The following NKAIN2 variants were observed in gnomAD, a reference collection of about 807,000 sequenced individuals.
The protein encoded by NKAIN2 is sodium/potassium transporting ATPase interacting 2, also known as sodium/potassium-transporting ATPase subunit beta-1-interacting protein 2.
A neutral mutation model predicts 32.6 loss-of-function variants in NKAIN2; 14 were observed. That is an observed-to-expected ratio of 0.43 (90% CI 0.28 to 0.67). The LOEUF is 0.67. Among genes scored for constraint, NKAIN2 ranks in the 30% least tolerant of loss-of-function variants. NKAIN2 has a pLI of 0.17. For synonymous variants in NKAIN2, 80 were observed against 87.2 expected (o/e 0.92, Z 0.46); for missense variants, 198 against 258.3 (o/e 0.77, Z 1.60).
intron 4 of NKAIN2, among the ~76,000 whole-genome samples, chr6:124,694,277 C>CTAT (rs1341993182): frequency 6.6e-6 from 1 of 152,168 alleles, no homozygotes; most frequent in Non-Finnish European, 1.5e-5. Flanking sequence ...GTACTTGAGG[C>CTAT]TCACTCAAGC....
chr6:124,329,712 G>A (rs1797574505), intron 2 of NKAIN2, among the ~76,000 whole-genome samples: 1 of 152,144 alleles, frequency 6.6e-6, no homozygotes, highest in Admixed American at 6.5e-5. Context: ...CTCCAAGTTA[G>A]CACCTCATCT....
chr6:124,521,591 A>G (rs547508312), intron 3 of NKAIN2, among the ~76,000 whole-genome samples: 16 of 152,274 alleles, frequency 1.1e-4, no homozygotes, highest in Admixed American at 5.9e-4. Flanking sequence ...AGAATTTTCT[A>G]TGTTTTATGC....
intron 4 of NKAIN2, among the ~76,000 whole-genome samples, chr6:124,683,364 C>T (rs960998598): frequency 1.3e-5 from 2 of 152,094 alleles, no homozygotes; most frequent in African/African-American, 4.8e-5. Context: ...TGTCAAACGT[C>T]TACGTTTATC....
chr6:124,194,952 T>C (rs1191400640), intron 1 of NKAIN2, among the ~76,000 whole-genome samples: 1 of 151,540 alleles, frequency 6.6e-6, no homozygotes, highest in Non-Finnish European at 1.5e-5. Context: ...GTACCAGCTT[T>C]AAATGAAGAG....
At chr6:124,311,098 T>G (rs1192255604) in intron 2 of NKAIN2, among the ~76,000 whole-genome samples, 1 of 152,030 alleles carries the variant, frequency 6.6e-6, no homozygotes, top group Non-Finnish European at 1.5e-5. Flanking sequence ...TTTCATCAAC[T>G]TATTAGGAGA....
At chr6:123,810,069 GT>G (rs200339010) in intron 1 of NKAIN2, among the ~76,000 whole-genome samples, 57 of 151,364 alleles carry the variant, frequency 3.8e-4, no homozygotes, top group Middle Eastern at 6.9e-3. Flanking sequence ...GGCTAAATAT[GT>G]TTTTTTTTCC....
At chr6:124,148,761 A>G (rs974958401) in intron 1 of NKAIN2, among the ~76,000 whole-genome samples, 29 of 152,182 alleles carry the variant, frequency 1.9e-4, no homozygotes, top group African/African-American at 6.5e-4. Flanking sequence ...GGCCATCATG[A>G]ATAATTTTTC....
In NKAIN2 at chr6:124,333,691, A is replaced by G. The variant is rs541934773; in HGVS notation, c.193-21576A>G. Among the ~76,000 whole-genome samples the G allele has an allele frequency of 2.0e-5, 3 of 152,080 alleles. No individual in the cohort carries two copies. The South Asian group carries it at 6.2e-4, about 32-fold the overall frequency. On this transcript the variant is annotated intron_variant, in intron 2 of 6. Transcript: ENST00000368417. ...AATAAATAAATAAATAAATACATAA[A>G]TAAATAAAATAAACTTAAGAAAAAT...
At chr6:124,302,525 T>C (rs1796331327) in intron 2 of NKAIN2, among the ~76,000 whole-genome samples, 2 of 152,200 alleles carry the variant, frequency 1.3e-5, no homozygotes, top group African/African-American at 4.8e-5. Flanking sequence ...TTTTAAATTT[T>C]TTTATCTGGA....
At chr6:123,811,623 A>T (rs1481760313) in intron 1 of NKAIN2, among the ~76,000 whole-genome samples, 2 of 141,516 alleles carry the variant, frequency 1.4e-5, no homozygotes, top group Non-Finnish European at 3.0e-5. Flanking sequence ...ATAATTCCTG[A>T]CCTATTTACC....
chr6:124,462,420 A>G (rs1196139601), intron 3 of NKAIN2, among the ~76,000 whole-genome samples: 1 of 151,960 alleles, frequency 6.6e-6, no homozygotes, highest in Non-Finnish European at 1.5e-5. Flanking sequence ...CATATTTGAG[A>G]ATATAAACCT....
chr6:123,932,872 C>T (rs954868276), intron 1 of NKAIN2, among the ~76,000 whole-genome samples: 1 of 150,520 alleles, frequency 6.6e-6, no homozygotes, highest in African/African-American at 2.5e-5. Flanking sequence ...TTTCTCCTGT[C>T]TTCCCTTTGC....
At chr6:124,619,099 G>T (rs1377965088) in intron 3 of NKAIN2, among the ~76,000 whole-genome samples, 1 of 151,896 alleles carries the variant, frequency 6.6e-6, no homozygotes, top group East Asian at 1.9e-4. Flanking sequence ...CATATTTAAG[G>T]AAGAGAATTA....
At chr6:124,504,327 A>G (rs1351538669) in intron 3 of NKAIN2, among the ~76,000 whole-genome samples, 1 of 152,158 alleles carries the variant, frequency 6.6e-6, no homozygotes, top group Non-Finnish European at 1.5e-5. Flanking sequence ...AAACTTTAAC[A>G]ACATCTATAA....
intron 3 of NKAIN2, among the ~76,000 whole-genome samples, chr6:124,500,802 G>T (rs1358793256): frequency 6.6e-6 from 1 of 152,086 alleles, no homozygotes; most frequent in East Asian, 1.9e-4. Flanking sequence ...GTGAGACATG[G>T]AGAAAAGGGT....
intron 1 of NKAIN2, among the ~76,000 whole-genome samples, chr6:124,278,850 A>G (rs1795162704): frequency 6.6e-6 from 1 of 151,708 alleles, no homozygotes; most frequent in Admixed American, 6.6e-5. Context: ...AGAAGATTCT[A>G]TAATGCACTT....
At chr6:124,660,695 G>C (rs1784716241) in intron 4 of NKAIN2, among the ~76,000 whole-genome samples, 1 of 152,152 alleles carries the variant, frequency 6.6e-6, no homozygotes, top group Non-Finnish European at 1.5e-5. Flanking sequence ...CTTTTGCAAT[G>C]TTGACTGTGG....
Position 124,605,116 on chromosome 6 carries a change from T to A in NKAIN2, c.274-53070T>A, listed in dbSNP as rs938977505. ...TCTGTGTGGCTTTGTAACAATATTT[T>A]TAACAACTAAGTTCAATCTTTTGTC... On this transcript the variant is annotated intron_variant, in intron 3 of 6. Coordinates refer to ENST00000368417, the MANE Select transcript of NKAIN2 (RefSeq NM_001040214.3). Among the ~76,000 whole-genome samples the A allele has an allele frequency of 2.6e-5, 4 of 152,200 alleles. No individual in the cohort carries two copies. In the South Asian group the frequency reaches 6.2e-4, roughly 24 times the overall value.
At chr6:124,630,443 C>T (rs907141859) in intron 3 of NKAIN2, among the ~76,000 whole-genome samples, 1 of 152,104 alleles carries the variant, frequency 6.6e-6, no homozygotes, top group Non-Finnish European at 1.5e-5. Context: ...AAAGGATGGT[C>T]ATTAACTTCT....
Sources: allele counts gnomAD v4.1 joint callset (sites outside exome capture counted in the v4.1 genomes callset), GRCh38; gene constraint gnomAD v4.1.1; transcripts MANE v1.5; gene names NCBI Gene and HGNC (gene_info 2026-07-23, HGNC 2026-07-21).